PIK3C2A: variants seen among roughly 807,000 people sequenced by gnomAD.
The protein encoded by PIK3C2A is phosphatidylinositol 4-phosphate 3-kinase C2 domain-containing subunit alpha.
Under a neutral mutation model 204.5 loss-of-function variants are expected in PIK3C2A, and 97 were observed. The ratio of observed to expected loss-of-function variants is 0.47; its 90% CI spans 0.40 to 0.56. The LOEUF (loss-of-function observed/expected upper bound fraction) is 0.56. Among genes scored for constraint, PIK3C2A ranks in the 20% least tolerant of loss-of-function variants. The pLI, the probability that PIK3C2A is intolerant of heterozygous loss-of-function variation, is 0.00. For missense variants in PIK3C2A, 1,735 were observed against 1,969.2 expected (o/e 0.88, Z 2.25); for synonymous variants, 653 against 664.4 (o/e 0.98, Z 0.26).
chr11:17,150,646 G>T lies in PIK3C2A; in HGVS notation c.1179C>A (p.Thr393=). 1 of 1,591,742 alleles carries T rather than the reference G, an allele frequency of 6.3e-7. No individual in the cohort carries two copies. The highest frequency in any genetic ancestry group is 8.5e-7 in the Non-Finnish European group (1 of 1,171,586). Residue 393 remains threonine (T), a synonymous_variant, in exon 4 of 33, where the codon ACC becomes ACA. Coordinates refer to ENST00000691414, the MANE Select transcript of PIK3C2A (RefSeq NM_002645.4). ...AFCRSITKLK[T]KFPYTNHRTN... is the part of the protein sequence containing the mutation. ...TGCGGTGATTGGTATATGGAAATTT[G>T]GTCTTCAATCTGTTCACAAGAAAGA...
At chr11:17,116,389 A>T (rs1416477521) in intron 19 of PIK3C2A, among the ~76,000 whole-genome samples, 1 of 152,152 alleles carries the variant, frequency 6.6e-6, no homozygotes, top group East Asian at 1.9e-4. Context: ...AACAGGAAAA[A>T]AAACAATGTT....
intron 2 of PIK3C2A, among the ~76,000 whole-genome samples, chr11:17,168,067 G>T (rs1260111548): frequency 1.3e-5 from 2 of 151,886 alleles, no homozygotes; most frequent in African/African-American, 2.4e-5. Context: ...TATGTAATGA[G>T]GAGACATGGA....
intron 3 of PIK3C2A, among the ~76,000 whole-genome samples, chr11:17,151,549 T>G (rs1018009315): frequency 3.9e-5 from 6 of 152,200 alleles, no homozygotes; most frequent in African/African-American, 1.2e-4. Context: ...CATTAGTGCA[T>G]AGCCTCTAGA....
intron 1 of PIK3C2A, among the ~76,000 whole-genome samples, chr11:17,178,309 G>C (rs1028044315): frequency 1.3e-5 from 2 of 152,046 alleles, no homozygotes; most frequent in African/African-American, 4.8e-5. Flanking sequence ...ATTTGGACTA[G>C]TTACATTTCA....
chr11:17,117,644 T>C lies in PIK3C2A; in HGVS notation c.3063A>G (p.Val1021=), dbSNP rs1333581494. The change falls in exon 19 of 33, where the codon GTA becomes GTG. Residue 1021 remains valine, a synonymous_variant. Coordinates refer to ENST00000691414, the MANE Select transcript of PIK3C2A (RefSeq NM_002645.4). ...YWLLKDALHD[V]QFSTRYEHVL... is the part of the protein sequence containing the mutation. Reference sequence around the variant, plus strand: ...CATGTTCGTATCGGGTACTAAACTGTACATCATGCAGGGCATCTTTGAGAA... The same window carrying C: ...CATGTTCGTATCGGGTACTAAACTGCACATCATGCAGGGCATCTTTGAGAA... 4 of 1,608,916 alleles carry C rather than the reference T, an allele frequency of 2.5e-6. No homozygotes were observed. The Middle Eastern group carries it at 5.0e-4, about 199-fold the overall frequency.
At position 17,110,488 on chromosome 11, in the gene PIK3C2A, T is replaced by G; in HGVS notation, c.3488A>C (p.Glu1163Ala). The G allele has an allele frequency of 2.5e-6, 4 of 1,609,564 alleles. No individual in the cohort carries two copies. Among genetic ancestry groups the G allele is most frequent in the Non-Finnish European group, 2.6e-6 (3 of 1,176,052 alleles). Residue 1163 changes from glutamate to alanine, a missense_variant, in exon 22 of 33, where the codon GAA becomes GCA. Physicochemically the swap from Glu to Ala is moderately radical, Grantham distance 107 (BLOSUM62 -1). Coordinates refer to ENST00000691414, the MANE Select transcript of PIK3C2A (RefSeq NM_002645.4). ...AATTACCATCCTCAGATCTAGTCCT[T>G]CTTTAAGCCAGATCTTATCCATAAT... ...IKIMDKIWLK[E>A]GLDLRMVIFK...
At chr11:17,092,912 CATAA>C (rs1402951330) in intron 28 of PIK3C2A, among the ~76,000 whole-genome samples, 27 of 152,282 alleles carry the variant, frequency 1.8e-4, no homozygotes, top group Admixed American at 6.5e-4. Flanking sequence ...TTTAATCACT[CATAA>C]ATATTTTATC....
chr11:17,186,683 C>A (rs550202395), intron 1 of PIK3C2A, among the ~76,000 whole-genome samples: 1 of 152,322 alleles, frequency 6.6e-6, no homozygotes, highest in Non-Finnish European at 1.5e-5. Context: ...TCTCGGAATT[C>A]TTCTTCAGAG....
intron 8 of PIK3C2A, among the ~76,000 whole-genome samples, chr11:17,144,963 T>TG (rs1850185959): frequency 1.3e-5 from 2 of 150,984 alleles, no homozygotes; most frequent in South Asian, 2.1e-4. Flanking sequence ...ATTTTGGACT[T>TG]GCATGGGGCC....
chr11:17,172,011 A>C lies in PIK3C2A; in HGVS notation c.-65-2205T>G, dbSNP rs376946555. On this transcript the variant is annotated intron_variant, in intron 1 of 32. Coordinates refer to ENST00000691414, the MANE Select transcript of PIK3C2A (RefSeq NM_002645.4). Reference sequence around the variant, plus strand: ...TAGAAAAATGTTAATAGTAGAATCTAGGTGATACAAATATGAGTATTCACT... The same window carrying C: ...TAGAAAAATGTTAATAGTAGAATCTCGGTGATACAAATATGAGTATTCACT... 6.8e-4 allele frequency among the ~76,000 whole-genome samples: 104 copies of C among 152,372 alleles called. 1 individual carries two copies. In the South Asian group the frequency reaches 0.018, roughly 26 times the overall value.
intron 8 of PIK3C2A, among the ~76,000 whole-genome samples, chr11:17,142,559 A>C (rs1850097732): frequency 6.6e-6 from 1 of 152,218 alleles, no homozygotes; most frequent in Admixed American, 6.5e-5. Context: ...TCACACCTGT[A>C]ATCTTAACAC....
At chr11:17,189,972 T>C (rs890340449) in intron 1 of PIK3C2A, among the ~76,000 whole-genome samples, 2 of 151,944 alleles carry the variant, frequency 1.3e-5, no homozygotes, top group Non-Finnish European at 2.9e-5. Context: ...TATTATTAAA[T>C]AGTAAGTTTA....
chr11:17,110,669 A>G, intron 21 of PIK3C2A, 108 bp from the exon 22 acceptor site: 1 of 901,588 alleles, frequency 1.1e-6, no homozygotes, highest in Non-Finnish European at 1.6e-6. Flanking sequence ...AAGTGGGCAG[A>G]ACACCTGAGG....
Position 17,118,790 on chromosome 11 carries a change from G to C in PIK3C2A, c.2941-51C>G, listed in dbSNP as rs574326038. The C allele has an allele frequency of 7.1e-6, 6 of 842,564 alleles. No individual in the cohort carries two copies. The South Asian group carries it at 7.9e-5, about 11-fold the overall frequency. 52.2% of individuals were successfully genotyped at this position (842,564 alleles called of 1,614,324 possible). A position where few individuals can be genotyped will look rare whatever the true frequency, so the allele number is the denominator to read the frequency against. Reference sequence around the variant, plus strand: ...TTAGTGGTCTAACCCATACTAAATTGTTCCAATAAAACTATCAAAAGAGAA... The same window carrying C: ...TTAGTGGTCTAACCCATACTAAATTCTTCCAATAAAACTATCAAAAGAGAA... On this transcript the variant is annotated intron_variant, in intron 17 of 32. Coordinates refer to ENST00000691414, the MANE Select transcript of PIK3C2A (RefSeq NM_002645.4).
intron 24 of PIK3C2A, among the ~76,000 whole-genome samples, chr11:17,101,872 G>A (rs887349909): frequency 7.3e-5 from 11 of 151,498 alleles, no homozygotes; most frequent in South Asian, 2.1e-4. Context: ...CAAAGTGCTG[G>A]GATTACAGGC....
intron 13 of PIK3C2A, among the ~76,000 whole-genome samples, chr11:17,125,941 T>C (rs1356487796): frequency 6.7e-6 from 1 of 149,872 alleles, no homozygotes; most frequent in Non-Finnish European, 1.5e-5. Flanking sequence ...CTGGCCAACA[T>C]TGCAAAACCC....
In PIK3C2A at chr11:17,155,594, T is replaced by G; in HGVS notation, c.1101A>C (p.Gly367=). The part of the protein sequence containing the change: ...DPNGTSSLPT[G]SSLLQEVEVQ... ...CTTCAACTTCTTGAAGAAGAGAACTTCCAGTTGGCAAACTACTGGTCCCAT... is the reference window on the plus strand; with the variant it reads ...CTTCAACTTCTTGAAGAAGAGAACTGCCAGTTGGCAAACTACTGGTCCCAT... The change falls in exon 3 of 33, where the codon GGA becomes GGC. Residue 367 remains glycine (G), a synonymous_variant. Coordinates refer to ENST00000691414, the MANE Select transcript of PIK3C2A (RefSeq NM_002645.4). The G allele has an allele frequency of 3.1e-6, 5 of 1,608,844 alleles. No homozygotes were observed. The highest frequency in any genetic ancestry group is 4.3e-6 in the Non-Finnish European group (5 of 1,175,998).
chr11:17,161,717 C>G (rs1171961522), intron 2 of PIK3C2A, among the ~76,000 whole-genome samples: 5 of 152,172 alleles, frequency 3.3e-5, no homozygotes, highest in African/African-American at 1.2e-4. Flanking sequence ...AAAATACCCT[C>G]TGTGTTGAGT....
intron 9 of PIK3C2A, among the ~76,000 whole-genome samples, chr11:17,135,834 C>T (rs1236964516): frequency 6.6e-6 from 1 of 152,086 alleles, no homozygotes; most frequent in East Asian, 1.9e-4. Context: ...TTCTAGATAT[C>T]GAGGGGCACA....
Sources: gnomAD v4.1 joint callset for allele counts (sites outside exome capture counted in the v4.1 genomes callset) on GRCh38, gnomAD v4.1.1 for gene constraint, MANE v1.5 for transcripts, NCBI Gene and HGNC (gene_info 2026-07-23, HGNC 2026-07-21) for gene names.